Variants in GFRA1 observed in about 807,000 individuals in gnomAD.
The protein encoded by GFRA1 is GDNF family receptor alpha-1.
GFRA1 carries 16 observed loss-of-function variants against 51.6 expected under a neutral mutation model. That is an observed-to-expected ratio of 0.31 (90% CI 0.21 to 0.47). GFRA1 has a LOEUF of 0.47. Ranked by LOEUF, GFRA1 falls within the 20% of genes least tolerant of loss-of-function variation. GFRA1 has a pLI of 1.00. For synonymous variants in GFRA1, 270 were observed against 241.3 expected (o/e 1.12, Z -1.10); for missense variants, 530 against 594.3 (o/e 0.89, Z 1.13).
intron 5 of GFRA1, among the ~76,000 whole-genome samples, chr10:116,194,498 T>C (rs906419772): frequency 1.3e-5 from 2 of 152,218 alleles, no homozygotes; most frequent in African/African-American, 2.4e-5. Flanking sequence ...ATTTTGTCGA[T>C]ATGCAACTAA....
chr10:116,181,679 C>A (rs1264095021), intron 5 of GFRA1, among the ~76,000 whole-genome samples: 1 of 151,808 alleles, frequency 6.6e-6, no homozygotes, highest in East Asian at 1.9e-4. Context: ...ACTGTATCAC[C>A]CAGGCTGGAG....
rs1954833727 is a variant in GFRA1, at chr10:116,061,843, G to A, written c.*2555C>T. ...CTGGGGCAAATGATGGTGTTTTAGG[G>A]TCACCGTGTCAAACTAAGATCACAC... On this transcript the variant is annotated 3_prime_UTR_variant, in exon 11 of 11. Coordinates refer to ENST00000355422, the MANE Select transcript of GFRA1 (RefSeq NM_005264.8). 2.5e-6 allele frequency: 1 copy of A among 396,768 alleles called. No individual in the cohort carries two copies. The highest frequency in any genetic ancestry group is 2.1e-5 in the African/African-American group (1 of 48,588). The allele number at this position is 396,768 out of a possible 1,614,324, so 24.6% of individuals were successfully genotyped here.
At chr10:116,106,655 G>A (rs905868357) in intron 6 of GFRA1, among the ~76,000 whole-genome samples, 10 of 151,742 alleles carry the variant, frequency 6.6e-5, no homozygotes, top group African/African-American at 1.9e-4. Flanking sequence ...GTTCTGCTCC[G>A]ATCATGTGAC....
intron 5 of GFRA1, among the ~76,000 whole-genome samples, chr10:116,149,931 C>T (rs533722656): frequency 2.6e-5 from 4 of 152,160 alleles, no homozygotes; most frequent in Admixed American, 6.5e-5. Context: ...CCAAGCACTC[C>T]GCAAAGGATC....
chr10:116,180,420 T>C (rs552921369), intron 5 of GFRA1, among the ~76,000 whole-genome samples: 121 of 152,328 alleles, frequency 7.9e-4, no homozygotes, highest in Non-Finnish European at 1.2e-3. Context: ...TGATAAATAC[T>C]GTGCCTTGAA....
At chr10:116,115,009 G>A (rs931062458) in intron 6 of GFRA1, among the ~76,000 whole-genome samples, 17 of 152,104 alleles carry the variant, frequency 1.1e-4, no homozygotes, top group Admixed American at 3.3e-4. Flanking sequence ...TGCCTAACTC[G>A]CAAACGCTTA....
At chr10:116,194,933 G>A (rs1451763921) in intron 5 of GFRA1, among the ~76,000 whole-genome samples, 2 of 152,194 alleles carry the variant, frequency 1.3e-5, no homozygotes, top group Non-Finnish European at 2.9e-5. Context: ...TTTCTGTAAA[G>A]AGCCAGGCAA....
At chr10:116,099,524 A>G (rs1956734420) in intron 6 of GFRA1, among the ~76,000 whole-genome samples, 1 of 152,158 alleles carries the variant, frequency 6.6e-6, no homozygotes, top group African/African-American at 2.4e-5. Context: ...GTACTTTCCA[A>G]AGAAAGAAAA....
chr10:116,248,032 G>A (rs1026592145), intron 4 of GFRA1, among the ~76,000 whole-genome samples: 16 of 152,154 alleles, frequency 1.1e-4, no homozygotes, highest in African/African-American at 3.6e-4. Flanking sequence ...CATTCTGGGT[G>A]GTGGGTACAC....
chr10:116,156,720 T>C (rs1297634547), intron 5 of GFRA1, among the ~76,000 whole-genome samples: 1 of 152,130 alleles, frequency 6.6e-6, no homozygotes, highest in Non-Finnish European at 1.5e-5. Context: ...AAGCAGCAAA[T>C]GGAAAGGTTA....
intron 4 of GFRA1, among the ~76,000 whole-genome samples, chr10:116,239,046 T>G (rs754183722): frequency 6.6e-6 from 1 of 152,222 alleles, no homozygotes; most frequent in East Asian, 1.9e-4. Context: ...AATAGGAACA[T>G]GCATTTTTCC....
intron 3 of GFRA1, 79 bp from the exon 4 acceptor site, chr10:116,269,665 T>A: frequency 1.2e-6 from 1 of 829,052 alleles, no homozygotes. Context: ...ATCTGAATTC[T>A]AATTATGTTA....
chr10:116,269,640 G>C (rs1222472248), intron 3 of GFRA1, 54 bp from the exon 4 acceptor site: 8 of 1,039,426 alleles, frequency 7.7e-6, no homozygotes, highest in Non-Finnish European at 1.2e-5. Context: ...ATTTCAAGCA[G>C]GTTTTTGCTG....
intron 4 of GFRA1, among the ~76,000 whole-genome samples, chr10:116,258,690 T>C (rs1357140272): frequency 6.6e-6 from 1 of 152,134 alleles, no homozygotes; most frequent in African/African-American, 2.4e-5. Context: ...ATGCTGGCTC[T>C]ACCACTTATT....
Position 116,057,997 on chromosome 10 carries a change from T to TGG in GFRA1, c.*6400_*6401insCC, listed in dbSNP as rs1954622330. ...CATATAGCCCTCCAATCATTGTGTG[T>TGG]GTGTGTGTGTGTGTGTGTGTGTGTG... is the stretch of plus-strand genomic sequence containing the variant. On this transcript the variant is annotated 3_prime_UTR_variant, in exon 11 of 11. Coordinates refer to ENST00000355422, the MANE Select transcript of GFRA1 (RefSeq NM_005264.8). The TGG allele has an allele frequency of 1.7e-5, 1 of 58,374 alleles. No homozygotes were observed. Among genetic ancestry groups the TGG allele is most frequent in the South Asian group, 4.2e-4 (1 of 2,370 alleles). 3.6% of individuals were successfully genotyped at this position (58,374 alleles called of 1,614,324 possible).
intron 5 of GFRA1, among the ~76,000 whole-genome samples, chr10:116,195,092 G>A (rs954852412): frequency 3.9e-5 from 6 of 152,136 alleles, no homozygotes; most frequent in Non-Finnish European, 5.9e-5. Context: ...AAAAATAGGT[G>A]GTCAGCATTT....
In GFRA1 at chr10:116,131,316, A is replaced by G. The variant is rs182088038; in HGVS notation, c.434-5759T>C. On this transcript the variant is annotated intron_variant, in intron 5 of 10. Coordinates refer to ENST00000355422, the MANE Select transcript of GFRA1 (RefSeq NM_005264.8). ...CTCATACATTGTTGGTGGGAATGGA[A>G]AATGGTTCAACCACTGTGGAAAAAC... Among the ~76,000 whole-genome samples, 517 of 152,330 alleles carry G rather than the reference A, an allele frequency of 3.4e-3. 4 individuals are homozygous for G. The highest frequency in any genetic ancestry group is 0.012 in the African/African-American group (487 of 41,572).
At chr10:116,140,033 C>A (rs1958496600) in intron 5 of GFRA1, among the ~76,000 whole-genome samples, 1 of 152,168 alleles carries the variant, frequency 6.6e-6, no homozygotes, top group African/African-American at 2.4e-5. Context: ...TCTAGAGCTG[C>A]CTCCAGTGCC....
Position 116,271,014 on chromosome 10 carries a change from T to G in GFRA1, c.142A>C (p.Thr48Pro). 1 of 1,614,204 alleles carries G rather than the reference T, an allele frequency of 6.2e-7. No homozygotes were observed. Among genetic ancestry groups the G allele is most frequent in the Non-Finnish European group, 8.5e-7 (1 of 1,180,026 alleles). ...KEQSCSTKYRTLRQCVAGKET... is the reference protein window; with the variant it reads ...KEQSCSTKYRPLRQCVAGKET... Reference sequence around the variant, plus strand: ...TTGCCCGCCACGCACTGCCTTAGCGTGCGGTACTTGGTGCTGCAGCTCTGC... The same window carrying G: ...TTGCCCGCCACGCACTGCCTTAGCGGGCGGTACTTGGTGCTGCAGCTCTGC... The change falls in exon 3 of 11, where the codon ACG (threonine) becomes CCG (proline). Residue 48 changes from threonine to proline, a missense_variant. Thr to Pro is a conservative substitution (Grantham distance 38, BLOSUM62 -1). Transcript: ENST00000355422.
Sources: allele counts gnomAD v4.1 joint callset (sites outside exome capture counted in the v4.1 genomes callset), GRCh38; gene constraint gnomAD v4.1.1; transcripts MANE v1.5; gene names NCBI Gene and HGNC (gene_info 2026-07-23, HGNC 2026-07-21).